YTHDC2: variants seen among roughly 807,000 people sequenced by gnomAD.
The protein encoded by YTHDC2 is YTH N6-methyladenosine RNA binding protein C2.
Under a neutral mutation model 174.9 loss-of-function variants are expected in YTHDC2, and 45 were observed. That is an observed-to-expected ratio of 0.26 (90% confidence interval 0.20 to 0.33). YTHDC2 has a LOEUF of 0.33. Among genes scored for constraint, YTHDC2 ranks in the 10% least tolerant of loss-of-function variants. The pLI is 1.00. For missense variants in YTHDC2, 1,650 were observed against 1,723.7 expected, an observed-to-expected ratio of 0.96 and a Z score of 0.76; for synonymous variants, 657 against 574.5, an observed-to-expected ratio of 1.14 and a Z score of -2.05.
In YTHDC2 at chr5:113,556,059, T is replaced by C. The variant is rs200144981; in HGVS notation, c.2141T>C (p.Phe714Ser). ...IDSGKVKEKS[F>S]DALNFVTMLK... ...ATGGTTTAAATATTACAGAAATCCT[T>C]TGATGCTCTGAATTTTGTTACAATG... Residue 714 changes from phenylalanine (F) to serine (S), a missense_variant, in exon 17 of 30, where the codon TTT (phenylalanine) becomes TCT (serine). Around this residue, in one of 5 missense-constraint regions of YTHDC2, gnomAD observed 913 missense variants for 940.4 expected, o/e 0.97. Coordinates refer to ENST00000161863, the MANE Select transcript of YTHDC2 (RefSeq NM_022828.5). 1 of 1,595,638 alleles carries C rather than the reference T, an allele frequency of 6.3e-7. No individual in the cohort carries two copies. Among genetic ancestry groups the C allele is most frequent in the South Asian group, 1.1e-5 (1 of 89,936 alleles).
At chr5:113,589,053 A>G (rs1290650497) in intron 26 of YTHDC2, among the ~76,000 whole-genome samples, 1 of 152,138 alleles carries the variant, frequency 6.6e-6, no homozygotes. Context: ...AAGATTTCAA[A>G]GTCAGAAAAA....
chr5:113,572,495 G>A (rs1777792938), intron 23 of YTHDC2, among the ~76,000 whole-genome samples: 1 of 152,222 alleles, frequency 6.6e-6, no homozygotes, highest in Non-Finnish European at 1.5e-5. Flanking sequence ...TTGATCCAGA[G>A]CTGAGTTCAG....
At chr5:113,544,045 GA>G (rs1775671501) in intron 10 of YTHDC2, among the ~76,000 whole-genome samples, 1 of 152,054 alleles carries the variant, frequency 6.6e-6, no homozygotes, top group African/African-American at 2.4e-5. Flanking sequence ...CTACTAGAAT[GA>G]AAACTACATG....
chr5:113,560,989 C>A, intron 17 of YTHDC2, 91 bp from the exon 18 acceptor site: 1 of 1,070,192 alleles, frequency 9.3e-7, no homozygotes, highest in Middle Eastern at 2.2e-4. Flanking sequence ...GATCCTGGAT[C>A]ATTTTTCTCT....
At chr5:113,559,127 A>G (rs1049512596) in intron 17 of YTHDC2, among the ~76,000 whole-genome samples, 2 of 148,024 alleles carry the variant, frequency 1.4e-5, no homozygotes, top group African/African-American at 5.2e-5. Context: ...AGGACTAGGC[A>G]AATATAGAAA....
intron 13 of YTHDC2, 35 bp downstream of exon 13, chr5:113,553,394 A>C: frequency 6.4e-6 from 10 of 1,554,410 alleles, no homozygotes; most frequent in Non-Finnish European, 7.8e-6. Context: ...CTGGAGCAAA[A>C]TATATACTTT....
intron 9 of YTHDC2, among the ~76,000 whole-genome samples, 166 bp downstream of exon 9, chr5:113,541,282 T>G (rs1441374738): frequency 3.3e-5 from 5 of 151,686 alleles, no homozygotes; most frequent in African/African-American, 4.8e-5. Flanking sequence ...AGCTCCGCGT[T>G]CCGGGTTCAC....
chr5:113,555,733 C>T (rs980091094), intron 16 of YTHDC2, among the ~76,000 whole-genome samples: 9 of 152,128 alleles, frequency 5.9e-5, no homozygotes, highest in Non-Finnish European at 8.8e-5. Context: ...GGAATAGATC[C>T]GTTCTCTCCA....
At chr5:113,564,550 T>G (rs981614870) in intron 20 of YTHDC2, among the ~76,000 whole-genome samples, 22 of 152,326 alleles carry the variant, frequency 1.4e-4, no homozygotes, top group Non-Finnish European at 2.6e-4. Context: ...AGCCTTTTTC[T>G]TGTTTGCTCA....
At chr5:113,574,693 G>A (rs576859310) in intron 23 of YTHDC2, among the ~76,000 whole-genome samples, 2 of 152,324 alleles carry the variant, frequency 1.3e-5, no homozygotes, top group East Asian at 3.9e-4. Flanking sequence ...TGCCATGGAA[G>A]TGGATCCCAC....
chr5:113,565,212 G>A lies in YTHDC2; in HGVS notation c.2716-681G>A, dbSNP rs563803206. Among the ~76,000 whole-genome samples the A allele has an allele frequency of 1.3e-3, 192 of 152,198 alleles. 1 individual carries two copies. The highest frequency in any genetic ancestry group is 4.4e-3 in the African/African-American group (183 of 41,540). On this transcript the variant is annotated intron_variant, in intron 20 of 29. Coordinates refer to ENST00000161863, the MANE Select transcript of YTHDC2 (RefSeq NM_022828.5). ...ATATAATTTTCAAAAATAATTACAA[G>A]CTCTTTTGTGAGTATTGATCAATGG... is the stretch of plus-strand genomic sequence containing the variant.
At chr5:113,540,826 C>A in intron 8 of YTHDC2, 142 bp from the exon 9 acceptor site, 2 of 695,452 alleles carry the variant, frequency 2.9e-6, no homozygotes, top group Non-Finnish European at 4.6e-6. Context: ...ATTGAATATT[C>A]TTAATATATT....
At chr5:113,520,759 G>C (rs1773810094) in intron 2 of YTHDC2, among the ~76,000 whole-genome samples, 1 of 152,130 alleles carries the variant, frequency 6.6e-6, no homozygotes. Flanking sequence ...TACTAGTGTG[G>C]ATATAGTTTA....
chr5:113,562,935 A>C (rs535895862), intron 18 of YTHDC2, among the ~76,000 whole-genome samples: 34 of 152,292 alleles, frequency 2.2e-4, no homozygotes, highest in African/African-American at 7.9e-4. Flanking sequence ...GTGTAAACTC[A>C]ATGAGAATGG....
At chr5:113,515,702 A>G (rs1206626178) in intron 2 of YTHDC2, among the ~76,000 whole-genome samples, 1 of 152,274 alleles carries the variant, frequency 6.6e-6, no homozygotes, top group Non-Finnish European at 1.5e-5. Context: ...CATCATGCAT[A>G]CATAGGGGAG....
intron 7 of YTHDC2, among the ~76,000 whole-genome samples, chr5:113,538,106 C>T (rs2112604893): frequency 6.6e-6 from 1 of 152,182 alleles, no homozygotes; most frequent in Non-Finnish European, 1.5e-5. Flanking sequence ...TTTTCCATAT[C>T]CAATATAATG....
chr5:113,555,606 T>C (rs1050794980), intron 16 of YTHDC2, among the ~76,000 whole-genome samples: 3 of 152,192 alleles, frequency 2.0e-5, no homozygotes, highest in African/African-American at 7.2e-5. Context: ...GATAAGATTA[T>C]TGATTGTTAT....
chr5:113,544,239 C>T (rs188455433), intron 10 of YTHDC2, among the ~76,000 whole-genome samples: 40 of 152,254 alleles, frequency 2.6e-4, no homozygotes, highest in East Asian at 2.5e-3. Flanking sequence ...ACCTCTGCCT[C>T]CCGGGTTCAA....
chr5:113,534,210 T>G, intron 5 of YTHDC2, 95 bp from the exon 6 acceptor site: 1 of 924,412 alleles, frequency 1.1e-6, no homozygotes, highest in Non-Finnish European at 1.7e-6. Flanking sequence ...GTAATATTTA[T>G]TAAAATGTGT....
Sources: gnomAD v4.1 joint callset for allele counts (sites outside exome capture counted in the v4.1 genomes callset) on GRCh38, gnomAD v4.1.1 for gene constraint, gnomAD v4.1.1 regional missense constraint, MANE v1.5 for transcripts, NCBI Gene and HGNC (gene_info 2026-07-23, HGNC 2026-07-21) for gene names.